Variants in LRP1B observed in about 807,000 individuals in gnomAD.
The protein encoded by LRP1B is LDL receptor related protein 1B.
Under a neutral mutation model 556.6 loss-of-function variants are expected in LRP1B, and 217 were observed. The observed-to-expected ratio is 0.39, with a 90% CI of 0.35 to 0.44. The LOEUF (loss-of-function observed/expected upper bound fraction) is 0.44. Ranked by LOEUF, LRP1B falls within the 20% of genes least tolerant of loss-of-function variation. LRP1B has a pLI of 1.00. For synonymous variants in LRP1B, 2,047 were observed against 1,865.8 expected (o/e 1.10, Z -2.50); for missense variants, 5,053 against 5,620.8 (o/e 0.90, Z 3.23).
chr2:141,828,512 G>A (rs1352503791), intron 1 of LRP1B, among the ~76,000 whole-genome samples: 1 of 152,174 alleles, frequency 6.6e-6, no homozygotes, highest in Non-Finnish European at 1.5e-5. Context: ...AAAGAACGGA[G>A]AAAAGATGAA....
At chr2:140,929,756 T>TCTCTCACA (rs377746437) in intron 20 of LRP1B, among the ~76,000 whole-genome samples, 4 of 139,236 alleles carry the variant, frequency 2.9e-5, no homozygotes, top group Non-Finnish European at 6.2e-5. Flanking sequence ...TCATATAGAC[T>TCTCTCACA]CACACACACA....
At chr2:141,083,023 A>C (rs567952096) in intron 7 of LRP1B, among the ~76,000 whole-genome samples, 4 of 152,340 alleles carry the variant, frequency 2.6e-5, no homozygotes, top group South Asian at 4.1e-4. Flanking sequence ...GCATTAACTA[A>C]TGATCCAAGC....
chr2:140,425,772 A>G (rs1685627388), intron 66 of LRP1B, among the ~76,000 whole-genome samples: 1 of 152,180 alleles, frequency 6.6e-6, no homozygotes, highest in Non-Finnish European at 1.5e-5. Context: ...TATTTCCTTA[A>G]GTATAAAATA....
At chr2:140,262,069 A>T (rs1001570649) in intron 86 of LRP1B, among the ~76,000 whole-genome samples, 9 of 150,316 alleles carry the variant, frequency 6.0e-5, no homozygotes, top group Admixed American at 4.7e-4. Flanking sequence ...AATTACTATT[A>T]AAAAAAAAGA....
chr2:140,425,249 T>C (rs1340914524), intron 66 of LRP1B, among the ~76,000 whole-genome samples: 1 of 152,212 alleles, frequency 6.6e-6, no homozygotes, highest in Admixed American at 6.5e-5. Context: ...TACATATTTT[T>C]CTGATAAAAA....
intron 7 of LRP1B, among the ~76,000 whole-genome samples, chr2:141,089,288 T>C (rs964361497): frequency 6.6e-6 from 1 of 152,214 alleles, no homozygotes; most frequent in African/African-American, 2.4e-5. Flanking sequence ...GTTCACCTCA[T>C]TTTACTATCA....
intron 3 of LRP1B, among the ~76,000 whole-genome samples, chr2:141,368,377 A>G (rs1461301086): frequency 6.6e-6 from 1 of 152,206 alleles, no homozygotes; most frequent in African/African-American, 2.4e-5. Flanking sequence ...ACTGAAAACT[A>G]ATTTGCAGAA....
intron 83 of LRP1B, among the ~76,000 whole-genome samples, chr2:140,301,705 T>TG (rs1345053042): frequency 1.3e-5 from 2 of 151,888 alleles, no homozygotes; most frequent in African/African-American, 4.8e-5. Context: ...AATTATTTGG[T>TG]GGTAAGAAAG....
intron 68 of LRP1B, among the ~76,000 whole-genome samples, chr2:140,377,844 C>T (rs1683302360): frequency 6.6e-6 from 1 of 152,064 alleles, no homozygotes; most frequent in Non-Finnish European, 1.5e-5. Flanking sequence ...AAATATTAGT[C>T]CTGACTATAA....
At chr2:141,205,677 A>G (rs981146357) in intron 6 of LRP1B, among the ~76,000 whole-genome samples, 1 of 54,808 alleles carries the variant, frequency 1.8e-5, no homozygotes, top group African/African-American at 4.0e-5. Context: ...TCTTCTTGCA[A>G]ATCAAATACT....
intron 1 of LRP1B, among the ~76,000 whole-genome samples, chr2:142,041,743 A>T (rs973949856): frequency 3.3e-5 from 5 of 151,502 alleles, no homozygotes; most frequent in Non-Finnish European, 5.9e-5. Context: ...TTCACTGGGA[A>T]GTAGGAGAGA....
intron 23 of LRP1B, chr2:140,898,922 T>G (rs1694024969): frequency 7.9e-6 from 3 of 377,948 alleles, no homozygotes; most frequent in Admixed American, 6.6e-5. Flanking sequence ...ATATCTCAGG[T>G]CTCAATAAAG....
chr2:141,278,290 AG>A (rs1230724445), intron 3 of LRP1B, among the ~76,000 whole-genome samples: 2 of 152,296 alleles, frequency 1.3e-5, no homozygotes, highest in East Asian at 1.9e-4. Context: ...CATTCTAGGT[AG>A]AACCCAGTAC....
At chr2:140,529,085 C>T (rs1244162536) in intron 47 of LRP1B, among the ~76,000 whole-genome samples, 1 of 151,884 alleles carries the variant, frequency 6.6e-6, no homozygotes, top group Non-Finnish European at 1.5e-5. Flanking sequence ...TACACTTTTC[C>T]CTCCAGGTAG....
intron 66 of LRP1B, among the ~76,000 whole-genome samples, chr2:140,389,427 TA>T (rs1683911289): frequency 6.6e-6 from 1 of 151,782 alleles, no homozygotes. Context: ...CTACTACAAG[TA>T]ATAAGTAAAT....
chr2:140,777,228 A>C (rs1327191497), intron 32 of LRP1B, among the ~76,000 whole-genome samples: 1 of 152,220 alleles, frequency 6.6e-6, no homozygotes, highest in Non-Finnish European at 1.5e-5. Flanking sequence ...TTGGGCAATT[A>C]AAGATATTTT....
chr2:140,542,073 T>C (rs1346554554), intron 43 of LRP1B, 102 bp from the exon 44 acceptor site: 1 of 690,654 alleles, frequency 1.4e-6, no homozygotes, highest in Non-Finnish European at 2.2e-6. Context: ...ATTAGTTGGA[T>C]TTAATTAACA....
At chr2:141,109,426 T>G (rs1700693524) in intron 7 of LRP1B, among the ~76,000 whole-genome samples, 1 of 152,006 alleles carries the variant, frequency 6.6e-6, no homozygotes, top group South Asian at 2.1e-4. Flanking sequence ...AAAAAACATC[T>G]AAGAAATCAA....
At chr2:140,336,802 C>A (rs1336992386) in intron 77 of LRP1B, among the ~76,000 whole-genome samples, 1 of 151,708 alleles carries the variant, frequency 6.6e-6, no homozygotes, top group African/African-American at 2.4e-5. Context: ...TTTTCTGTGC[C>A]CTTCAATTAA....
Sources: allele counts gnomAD v4.1 joint callset (sites outside exome capture counted in the v4.1 genomes callset), GRCh38; gene constraint gnomAD v4.1.1; transcripts MANE v1.5; gene names NCBI Gene and HGNC (gene_info 2026-07-23, HGNC 2026-07-21).